The following DMC1 variants were observed in gnomAD, a reference collection of about 807,000 sequenced individuals.
DMC1 encodes meiotic recombination protein DMC1 homolog.
Under a neutral mutation model 50.1 loss-of-function variants are expected in DMC1, and 27 were observed. The ratio of observed to expected loss-of-function variants is 0.54; its 90% confidence interval spans 0.40 to 0.74. DMC1 has a LOEUF of 0.74. DMC1 is among the 30% of genes least tolerant of loss of function. The pLI is 0.00. For missense variants in DMC1, 295 were observed against 420.2 expected (o/e 0.70, Z 2.60); for synonymous variants, 148 against 136.1 (o/e 1.09, Z -0.61).
At chr22:38,550,816 A>G (rs1369364610) in intron 7 of DMC1, among the ~76,000 whole-genome samples, 1 of 150,342 alleles carries the variant, frequency 6.7e-6, no homozygotes, top group Non-Finnish European at 1.5e-5. Context: ...CTGTAATCCC[A>G]GCTACTCTGG....
chr22:38,520,870 T>G (rs932866305), intron 13 of DMC1, among the ~76,000 whole-genome samples: 2 of 146,426 alleles, frequency 1.4e-5, no homozygotes, highest in East Asian at 1.9e-4. Flanking sequence ...TTCTTTTTTG[T>G]TTTTTGTTTT....
At position 38,557,393 on chromosome 22, in the gene DMC1, A is replaced by G. The variant is rs1431852802; in HGVS notation, c.327-1984T>C. ...AAAAATAGAGACACAAATCAAACCC[A>G]TAGATTACTATTTTCATATTAAATT... On this transcript the variant is annotated intron_variant, in intron 5 of 13. Coordinates refer to ENST00000216024, the MANE Select transcript of DMC1 (RefSeq NM_007068.4). 2.0e-5 allele frequency among the ~76,000 whole-genome samples: 3 copies of G among 152,144 alleles called. No homozygotes were observed. In the East Asian group the frequency reaches 5.8e-4, roughly 29 times the overall value.
intron 12 of DMC1, among the ~76,000 whole-genome samples, chr22:38,536,761 G>A (rs1428625928): frequency 1.3e-5 from 2 of 152,130 alleles, no homozygotes; most frequent in Non-Finnish European, 2.9e-5. Context: ...AATGGTTAAA[G>A]TATTGCTTTA....
At chr22:38,563,197 T>C (rs898109013) in intron 4 of DMC1, among the ~76,000 whole-genome samples, 2 of 152,250 alleles carry the variant, frequency 1.3e-5, no homozygotes, top group Non-Finnish European at 2.9e-5. Flanking sequence ...GTTTTCATTA[T>C]TCTTGAGACA....
chr22:38,518,226 C>G (rs534064816), downstream of DMC1, among the ~76,000 whole-genome samples: 1 of 152,314 alleles, frequency 6.6e-6, no homozygotes, highest in Admixed American at 6.5e-5. Context: ...CCCACCTCGG[C>G]CTCTCAAAGT....
chr22:38,555,285 T>C (rs2090457935), intron 6 of DMC1, 72 bp downstream of exon 6: 1 of 935,290 alleles, frequency 1.1e-6, no homozygotes, highest in Non-Finnish European at 1.7e-6. Context: ...ATTATATGTG[T>C]ATGTATACAC....
chr22:38,567,508 G>T, intron 3 of DMC1, 75 bp downstream of exon 3: 2 of 1,247,582 alleles, frequency 1.6e-6, no homozygotes, highest in Non-Finnish European at 2.4e-6. Context: ...AATTATCCAG[G>T]CCCAAATGTC....
downstream of DMC1, among the ~76,000 whole-genome samples, chr22:38,517,954 C>G (rs560613695): frequency 5.3e-4 from 81 of 152,210 alleles, no homozygotes; most frequent in African/African-American, 1.9e-3. Flanking sequence ...AACCTTTCCC[C>G]TCCCATTTTT....
rs2145992065 is a variant in DMC1, at chr22:38,560,495, T to C, written c.326+1792A>G. ...TATGTTTTAAAGTGACCATTCTGGC[T>C]CTTTAGTGAATTAAAAAAAAAAACA... is the stretch of plus-strand genomic sequence containing the variant. On this transcript the variant is annotated intron_variant, in intron 5 of 13. Coordinates refer to ENST00000216024, the MANE Select transcript of DMC1 (RefSeq NM_007068.4). Among the ~76,000 whole-genome samples the C allele has an allele frequency of 1.3e-5, 2 of 151,732 alleles. 1 individual carries two copies. The highest frequency in any genetic ancestry group is 3.9e-4 in the East Asian group (2 of 5,182).
chr22:38,555,287 T>G, intron 6 of DMC1, 70 bp downstream of exon 6: 3 of 942,538 alleles, frequency 3.2e-6, no homozygotes, highest in Non-Finnish European at 5.2e-6. Flanking sequence ...TATATGTGTA[T>G]GTATACACAT....
intron 6 of DMC1, among the ~76,000 whole-genome samples, chr22:38,552,915 T>G (rs1486559652): frequency 6.6e-6 from 1 of 151,824 alleles, no homozygotes; most frequent in Non-Finnish European, 1.5e-5. Flanking sequence ...TGGCACGATC[T>G]CAGCTCACTG....
chr22:38,538,681 C>T, intron 9 of DMC1, 69 bp from the exon 10 acceptor site: 1 of 1,338,450 alleles, frequency 7.5e-7, no homozygotes, highest in East Asian at 2.3e-5. Flanking sequence ...CATTCATATT[C>T]TTGGGAGCCA....
chr22:38,519,801 C>T lies in DMC1; in HGVS notation c.*219G>A. Reference sequence around the variant, plus strand: ...GTATACACACACAAACACACACACACACAAACATACATATACATATCCCTG... The same window carrying T: ...GTATACACACACAAACACACACACATACAAACATACATATACATATCCCTG... On this transcript the variant is annotated 3_prime_UTR_variant, in exon 14 of 14. Coordinates refer to ENST00000216024, the MANE Select transcript of DMC1 (RefSeq NM_007068.4). 1 of 500,696 alleles carries T rather than the reference C, an allele frequency of 2.0e-6. No individual in the cohort carries two copies. Among genetic ancestry groups the T allele is most frequent in the Non-Finnish European group, 3.6e-6 (1 of 274,026 alleles). The allele number at this position is 500,696 out of a possible 1,614,324, so 31.0% of individuals were successfully genotyped here. A position where few individuals can be genotyped will look rare whatever the true frequency, so the allele number is the denominator to read the frequency against.
At chr22:38,513,319 G>A in the DMC1 span, among the ~76,000 whole-genome samples, 1 of 152,226 alleles carries the variant, frequency 6.6e-6, no homozygotes, top group Non-Finnish European at 1.5e-5. Flanking sequence ...CCTTGTGACT[G>A]TCACTTCATA....
chr22:38,543,424 T>C (rs2090309039), intron 8 of DMC1, among the ~76,000 whole-genome samples: 2 of 152,088 alleles, frequency 1.3e-5, no homozygotes, highest in Non-Finnish European at 2.9e-5. Context: ...AGAGATGGGG[T>C]TTCACCATGT....
Position 38,568,216 on chromosome 22 carries a change from T to C in DMC1, c.41A>G (p.Gln14Arg). 6.2e-7 allele frequency: 1 copy of C among 1,614,148 alleles called. No homozygotes were observed. The highest frequency in any genetic ancestry group is 8.5e-7 in the Non-Finnish European group (1 of 1,179,978). Reference sequence around the variant, plus strand: ...ACATTTTAGTCATACCTCTTCATCTTGGAATCCTGGTTCTTCCGCCACAAC... The same window carrying C: ...ACATTTTAGTCATACCTCTTCATCTCGGAATCCTGGTTCTTCCGCCACAAC... ...DQVVAEEPGF[Q>R]DEEESLFQDI... The change falls in exon 2 of 14, where the codon CAA becomes CGA. Residue 14 changes from glutamine (Q) to arginine (R), a missense_variant. Coordinates refer to ENST00000216024, the MANE Select transcript of DMC1 (RefSeq NM_007068.4).
Position 38,519,751 on chromosome 22 carries a change from T to C in DMC1, c.*269A>G. 1 of 410,520 alleles carries C rather than the reference T, an allele frequency of 2.4e-6. No individual in the cohort carries two copies. The allele number at this position is 410,520 out of a possible 1,614,324, so 25.4% of individuals were successfully genotyped here. A position where few individuals can be genotyped will look rare whatever the true frequency, so the allele number is the denominator to read the frequency against. On this transcript the variant is annotated 3_prime_UTR_variant, in exon 14 of 14. Coordinates refer to ENST00000216024, the MANE Select transcript of DMC1 (RefSeq NM_007068.4). ...CACAGAGTGAGAGAATTTCAATAGG[T>C]ATATATATCTACTATATATGTCAGG...
Position 38,519,811 on chromosome 22 carries a change from C to G in DMC1, c.*209G>C. On this transcript the variant is annotated 3_prime_UTR_variant, in exon 14 of 14. Coordinates refer to ENST00000216024, the MANE Select transcript of DMC1 (RefSeq NM_007068.4). ...ACAAACACACACACACACAAACATACATATACATATCCCTGAATTTACATA... is the reference window on the plus strand; with the variant it reads ...ACAAACACACACACACACAAACATAGATATACATATCCCTGAATTTACATA... 1 of 523,170 alleles carries G rather than the reference C, an allele frequency of 1.9e-6. No individual in the cohort carries two copies. The highest frequency in any genetic ancestry group is 1.9e-5 in the South Asian group (1 of 51,972). The allele number at this position is 523,170 out of a possible 1,614,324, so 32.4% of individuals were successfully genotyped here.
downstream of DMC1, among the ~76,000 whole-genome samples, chr22:38,515,246 G>A (rs2089968793): frequency 6.6e-6 from 1 of 150,992 alleles, no homozygotes; most frequent in Non-Finnish European, 1.5e-5. Context: ...GGGAGGCCGA[G>A]GCAGGTGGAT....
Sources: gnomAD v4.1 joint callset for allele counts (sites outside exome capture counted in the v4.1 genomes callset) on GRCh38, gnomAD v4.1.1 for gene constraint, MANE v1.5 for transcripts, NCBI Gene and HGNC (gene_info 2026-07-23, HGNC 2026-07-21) for gene names.